Variants in TBX22 observed in about 807,000 individuals in gnomAD.
TBX22 encodes the protein T-box transcription factor 22.
TBX22 carries 8 observed loss-of-function variants against 30.1 expected under a neutral mutation model. The observed-to-expected ratio is 0.27, with a 90% confidence interval of 0.16 to 0.48. The LOEUF (loss-of-function observed/expected upper bound fraction) is 0.48. TBX22 is among the 20% of genes least tolerant of loss of function. TBX22 has a pLI of 0.99. For synonymous variants in TBX22, 173 were observed against 149.1 expected, an observed-to-expected ratio of 1.16 and a Z score of -1.17; for missense variants, 463 against 400.5, an observed-to-expected ratio of 1.16 and a Z score of -1.33.
chrX:80,031,296 A>C lies in TBX22; in HGVS notation c.*185A>C. 2.2e-6 allele frequency: 1 copy of C among 457,465 alleles called. No individual in the cohort carries two copies. Among genetic ancestry groups the C allele is most frequent in the Non-Finnish European group, 3.6e-6 (1 of 273,997 alleles). 37.7% of individuals were successfully genotyped at this position (457,465 alleles called of 1,213,427 possible). A position where few individuals can be genotyped will look rare whatever the true frequency, so the allele number is the denominator to read the frequency against. Reference sequence around the variant, plus strand: ...TCATGAAGAGTTGTTTATAATGTCAAATGAAACCTACAGGAATCTCTGATT... The same window carrying C: ...TCATGAAGAGTTGTTTATAATGTCACATGAAACCTACAGGAATCTCTGATT... On this transcript the variant is annotated 3_prime_UTR_variant, in exon 9 of 9. Coordinates refer to ENST00000373296, the MANE Select transcript of TBX22 (RefSeq NM_001109878.2).
intron 1 of TBX22, among the ~76,000 whole-genome samples, chrX:80,021,673 AC>A (rs1923699686): frequency 9.2e-6 from 1 of 108,533 alleles, no homozygotes; most frequent in Admixed American, 9.8e-5. Flanking sequence ...AAGCTCCAAA[AC>A]CCCCCTCCCT....
chrX:80,026,971 A>C, intron 6 of TBX22, 103 bp downstream of exon 6: 2 of 865,312 alleles, frequency 2.3e-6, no homozygotes, highest in Non-Finnish European at 3.4e-6. Context: ...CACAATTCTA[A>C]ATAAAAATCA....
intron 1 of TBX22, among the ~76,000 whole-genome samples, chrX:80,016,931 G>T (rs1923464844): frequency 9.4e-6 from 1 of 106,668 alleles, no homozygotes; most frequent in African/African-American, 3.4e-5. Context: ...ACCTGAAGCT[G>T]GGGGGCAGAG....
At chrX:80,026,980 C>A in intron 6 of TBX22, 112 bp downstream of exon 6, 2 of 843,103 alleles carry the variant, frequency 2.4e-6, no homozygotes, top group Non-Finnish European at 3.5e-6. Context: ...AAATAAAAAT[C>A]ATAGTTTTAT....
rs764972367 is a variant in TBX22, at chrX:80,030,378, T to C, written c.950-120T>C. The C allele has an allele frequency of 1.0e-4, 94 of 933,444 alleles. 1 individual carries two copies. The African/African-American group carries it at 1.2e-3, about 12-fold the overall frequency. 76.9% of individuals were successfully genotyped at this position (933,444 alleles called of 1,213,427 possible). A position where few individuals can be genotyped will look rare whatever the true frequency, so the allele number is the denominator to read the frequency against. ...TGTCTCAAAGAAGCTAAAAGAACTG[T>C]GAACTCACAAGGAAAATTAATCTAA... On this transcript the variant is annotated intron_variant, in intron 8 of 8. Transcript: ENST00000373296.
At chrX:80,022,071 T>C (rs1923729642) in intron 1 of TBX22, among the ~76,000 whole-genome samples, 197 bp from the exon 2 acceptor site, 1 of 102,560 alleles carries the variant, frequency 9.8e-6, no homozygotes, top group Admixed American at 1.1e-4. Flanking sequence ...CACACACAAT[T>C]ATTTTCTTTG....
intron 1 of TBX22, among the ~76,000 whole-genome samples, chrX:80,018,850 A>T (rs1304021264): frequency 1.8e-5 from 2 of 112,393 alleles, no homozygotes; most frequent in Non-Finnish European, 3.8e-5. Context: ...GATAGAAAGT[A>T]GAGTCAGAAT....
intron 5 of TBX22, among the ~76,000 whole-genome samples, chrX:80,026,461 G>C (rs868524294): frequency 6.2e-5 from 7 of 112,050 alleles, no homozygotes; most frequent in Non-Finnish European, 1.1e-4. Context: ...GCCAGTGTTT[G>C]AAGCAGGAAA....
At chrX:80,022,164 C>A in intron 1 of TBX22, 104 bp from the exon 2 acceptor site, 1 of 785,797 alleles carries the variant, frequency 1.3e-6, no homozygotes, top group African/African-American at 2.1e-5. Context: ...TCCCGCTTTC[C>A]CTCCTTCCTT....
intron 2 of TBX22, 118 bp downstream of exon 2, chrX:80,022,562 C>T (rs1923766217): frequency 1.4e-6 from 1 of 735,233 alleles, no homozygotes; most frequent in Non-Finnish European, 2.1e-6. Context: ...GACACCTCGA[C>T]CACCTGGTGA....
chrX:80,017,998 A>C (rs946686560), intron 1 of TBX22, among the ~76,000 whole-genome samples: 1 of 112,118 alleles, frequency 8.9e-6, no homozygotes, highest in Non-Finnish European at 1.9e-5. Flanking sequence ...AGAAGAACAC[A>C]GCGAACACAG....
In TBX22 at chrX:80,030,717, C is replaced by A. The variant is rs141303126; in HGVS notation, c.1169C>A (p.Ala390Asp). The A allele has an allele frequency of 2.6e-4, 319 of 1,210,203 alleles. No individual in the cohort carries two copies. In the East Asian group the frequency reaches 9.3e-3, roughly 35 times the overall value. The stretch of plus-strand genomic sequence containing the variant: ...CAACAGCAACCTCTTGTTTTACCGG[C>A]TCCTGAAAGACTAGCAAGCAGCAAC... ...FWQQQPLVLP[A>D]PERLASSNSS... is the part of the protein sequence containing the mutation. Residue 390 changes from alanine (A) to aspartate (D), a missense_variant, in exon 9 of 9, where the codon GCT becomes GAT. Ala to Asp is a moderately radical substitution (Grantham distance 126). Transcript: ENST00000373296.
chrX:80,026,706 C>A lies in TBX22; in HGVS notation c.636C>A (p.Ile212=), dbSNP rs1348793506. ...TNNEMDDKGH[I]ILQSMHKYKP... is the part of the protein sequence containing the mutation. ...AGCATTGATCATTTCTCCTCCAGAT[C>A]ATTCTGCAATCCATGCATAAGTACA... Residue 212 remains isoleucine, a splice_region_variant and synonymous_variant, in exon 6 of 9, where the codon ATC becomes ATA. Coordinates refer to ENST00000373296, the MANE Select transcript of TBX22 (RefSeq NM_001109878.2). 1.7e-6 allele frequency: 2 copies of A among 1,209,787 alleles called. No individual in the cohort carries two copies. Among genetic ancestry groups the A allele is most frequent in the Admixed American group, 2.2e-5 (1 of 45,808 alleles).
intron 7 of TBX22, 143 bp from the exon 8 acceptor site, chrX:80,027,848 G>A (rs1217648451): frequency 1.9e-6 from 1 of 514,533 alleles, no homozygotes; most frequent in Non-Finnish European, 3.3e-6. Flanking sequence ...TTCTAGGTTT[G>A]ACTGAATTTT....
chrX:80,027,393 T>C (rs1251948436), intron 7 of TBX22, 73 bp downstream of exon 7: 16 of 512,389 alleles, frequency 3.1e-5, no homozygotes, highest in Admixed American at 2.3e-4. Context: ...TTTTTTTTTT[T>C]CCTGAGATGG....
At chrX:80,028,165 A>C in intron 8 of TBX22, 89 bp downstream of exon 8, 1 of 796,274 alleles carries the variant, frequency 1.3e-6, no homozygotes, top group Non-Finnish European at 1.9e-6. Flanking sequence ...ACACAAGGGG[A>C]TATGTACATG....
chrX:80,018,481 C>A (rs1434506993), intron 1 of TBX22, among the ~76,000 whole-genome samples: 1 of 111,703 alleles, frequency 9.0e-6, no homozygotes, highest in Non-Finnish European at 1.9e-5. Context: ...GACTTTCAAC[C>A]TTTTGAATCT....
rs1375208171 is a variant in TBX22, at chrX:80,023,105, G to GCGGCAGCGACAGCGGCTA, written c.227_244dup (p.Ser76_Gly81dup). The GCGGCAGCGACAGCGGCTA allele has an allele frequency of 7.4e-6, 9 of 1,211,905 alleles. No homozygotes were observed. The highest frequency in any genetic ancestry group is 2.3e-4 in the Middle Eastern group (1 of 4,353). On this transcript the variant is annotated inframe_insertion, in exon 3 of 9. Transcript: ENST00000373296. The stretch of plus-strand genomic sequence containing the variant: ...CCCTCAACATCTGCTTCCTCTGGCT[G>GCGGCAGCGACAGCGGCTA]CGGCAGCGACAGCGGCTACGGCAAC...
chrX:80,023,882 G>A (rs906933191), intron 3 of TBX22, among the ~76,000 whole-genome samples, 181 bp from the exon 4 acceptor site: 1 of 111,644 alleles, frequency 9.0e-6, no homozygotes, highest in South Asian at 3.8e-4. Flanking sequence ...GTACTTGTTC[G>A]GTCAAGTATG....
Sources: gnomAD v4.1 joint callset for allele counts (sites outside exome capture counted in the v4.1 genomes callset) on GRCh38, gnomAD v4.1.1 for gene constraint, MANE v1.5 for transcripts, NCBI Gene and HGNC (gene_info 2026-07-23, HGNC 2026-07-21) for gene names.